NGEF: variants seen among roughly 807,000 people sequenced by gnomAD.
NGEF encodes the protein neuronal guanine nucleotide exchange factor, also known as ephexin-1.
In NGEF, 31 loss-of-function variants were observed where a neutral mutation model predicts 80.9. That is an observed-to-expected ratio of 0.38 (90% CI 0.29 to 0.52). The LOEUF (loss-of-function observed/expected upper bound fraction) is 0.52. NGEF is among the 20% of genes least tolerant of loss of function. The pLI is 0.84. For missense variants in NGEF, 709 were observed against 926.2 expected, an observed-to-expected ratio of 0.77 and a Z score of 3.04; for synonymous variants, 371 against 370.2, an observed-to-expected ratio of 1.00 and a Z score of -0.03.
At chr2:232,913,400 C>T (rs1692729473) in intron 5 of NGEF, among the ~76,000 whole-genome samples, 1 of 152,052 alleles carries the variant, frequency 6.6e-6, no homozygotes, top group Non-Finnish European at 1.5e-5. Flanking sequence ...TATGCTTTAC[C>T]TTGGTGACAG....
Position 232,927,083 on chromosome 2 carries a change from T to C in NGEF, c.487A>G (p.Ile163Val). Reference sequence around the variant, plus strand: ...AGGTTTCTCCAGGAGTCGGCGGGAATGGGGTGGATCATCCGCAGGGCCTCG... The same window carrying C: ...AGGTTTCTCCAGGAGTCGGCGGGAACGGGGTGGATCATCCGCAGGGCCTCG... ...LTEALRMIHP[I>V]PADSWRNLIE... The change falls in exon 4 of 15, where the codon ATT becomes GTT. Residue 163 changes from isoleucine to valine, a missense_variant. Transcript: ENST00000264051. 1 of 1,613,898 alleles carries C rather than the reference T, an allele frequency of 6.2e-7. No individual in the cohort carries two copies. Among genetic ancestry groups the C allele is most frequent in the Non-Finnish European group, 8.5e-7 (1 of 1,179,956 alleles).
chr2:232,909,808 G>A (rs192861341), intron 5 of NGEF, among the ~76,000 whole-genome samples: 1 of 152,286 alleles, frequency 6.6e-6, no homozygotes, highest in African/African-American at 2.4e-5. Context: ...CTTTGCCAAT[G>A]AGATCTGTTT....
At chr2:232,971,634 G>A (rs1694186284) in intron 2 of NGEF, among the ~76,000 whole-genome samples, 1 of 152,116 alleles carries the variant, frequency 6.6e-6, no homozygotes, top group Non-Finnish European at 1.5e-5. Context: ...GCAGTGAGCT[G>A]AGTGAGCTTG....
chr2:232,899,113 G>A (rs1692189748), intron 5 of NGEF, among the ~76,000 whole-genome samples: 2 of 151,950 alleles, frequency 1.3e-5, no homozygotes, highest in African/African-American at 2.4e-5. Flanking sequence ...GAAGGTGGGT[G>A]TGAATGTGTG....
intron 8 of NGEF, 144 bp from the exon 9 acceptor site, chr2:232,888,251 C>T (rs572696133): frequency 8.3e-5 from 51 of 611,898 alleles, no homozygotes; most frequent in Middle Eastern, 2.6e-4. Flanking sequence ...CGCACGCACA[C>T]GCATACATGC....
chr2:232,891,438 G>A lies in NGEF; in HGVS notation c.1192C>T (p.Pro398Ser). The A allele has an allele frequency of 6.2e-7, 1 of 1,613,440 alleles. No individual in the cohort carries two copies. Among genetic ancestry groups the A allele is most frequent in the Non-Finnish European group, 8.5e-7 (1 of 1,179,966 alleles). Residue 398 changes from proline to serine, a missense_variant, in exon 8 of 15, where the codon CCC (proline) becomes TCC (serine). This residue lies in a region of NGEF where 426 missense variants were observed against 622.9 expected (regional missense o/e 0.68). Transcript: ENST00000264051. ...RELIAQLELD[P>S]KCRGLPFSSF... ...GAGAAGGGCAGCCCCCTGCACTTGG[G>A]GTCGAGCTCTAGCTGCGCGATCAGC...
intron 7 of NGEF, among the ~76,000 whole-genome samples, chr2:232,891,884 T>C (rs1277379010): frequency 6.7e-6 from 1 of 149,576 alleles, no homozygotes; most frequent in Non-Finnish European, 1.5e-5. Flanking sequence ...TTCTGACAGG[T>C]GGGCTCAGCG....
chr2:232,896,722 GCAAAA>G (rs1692092563), intron 5 of NGEF, among the ~76,000 whole-genome samples: 1 of 45,790 alleles, frequency 2.2e-5, no homozygotes, highest in African/African-American at 1.1e-4. Flanking sequence ...AGGGGTGAGT[GCAAAA>G]GTAGGGGTGA....
intron 1 of NGEF, among the ~76,000 whole-genome samples, chr2:232,990,592 T>A (rs765562482): frequency 3.3e-5 from 5 of 152,114 alleles, no homozygotes; most frequent in Non-Finnish European, 7.4e-5. Context: ...AAGAGAGCCT[T>A]CTTCTCCCAA....
chr2:232,911,700 T>C (rs1657002948), intron 5 of NGEF, among the ~76,000 whole-genome samples: 1 of 152,216 alleles, frequency 6.6e-6, no homozygotes. Flanking sequence ...TTTGTGGTTT[T>C]CAGCACAGAG....
chr2:232,990,162 A>G (rs895202044), intron 1 of NGEF, among the ~76,000 whole-genome samples: 4 of 152,194 alleles, frequency 2.6e-5, no homozygotes, highest in African/African-American at 9.7e-5. Context: ...AGAAAACTCC[A>G]AAGAACCAAC....
intron 3 of NGEF, among the ~76,000 whole-genome samples, chr2:232,959,579 CTTT>C (rs10663890): frequency 3.8e-4 from 53 of 139,932 alleles, no homozygotes; most frequent in Admixed American, 4.3e-4. Context: ...CAGCAATGAC[CTTT>C]TTTTTTTTTT....
At chr2:232,985,528 G>A (rs968377992) in intron 1 of NGEF, among the ~76,000 whole-genome samples, 8 of 152,052 alleles carry the variant, frequency 5.3e-5, no homozygotes, top group South Asian at 2.1e-4. Context: ...TGAGGCGGGC[G>A]GATCACGAGG....
chr2:232,883,232 G>T, intron 12 of NGEF, 79 bp downstream of exon 12: 2 of 1,479,568 alleles, frequency 1.4e-6, no homozygotes, highest in South Asian at 1.3e-5. Context: ...TGTTCCACCT[G>T]GGGACAGGCC....
intron 1 of NGEF, among the ~76,000 whole-genome samples, chr2:232,993,177 A>AATATATATATTTATTTATATATATATTAT (rs1694700122): frequency 7.5e-6 from 1 of 132,690 alleles, no homozygotes; most frequent in African/African-American, 2.9e-5. Context: ...TATATATATA[A>AATATATATATTTATTTATATATATATTAT]ATAAATATAT....
At chr2:233,000,771 A>C (rs1048012622) in intron 1 of NGEF, among the ~76,000 whole-genome samples, 1 of 141,544 alleles carries the variant, frequency 7.1e-6, no homozygotes, top group Non-Finnish European at 1.6e-5. Flanking sequence ...AAAAAAAAAA[A>C]AAACGAAAAA....
At chr2:232,969,520 C>CT (rs1694142933) in intron 3 of NGEF, among the ~76,000 whole-genome samples, 1 of 131,560 alleles carries the variant, frequency 7.6e-6, no homozygotes, top group Non-Finnish European at 1.6e-5. Flanking sequence ...CTGCTTCCTT[C>CT]ATTTTTTTGA....
chr2:232,928,529 T>A (rs1693145851), intron 3 of NGEF, among the ~76,000 whole-genome samples: 1 of 151,890 alleles, frequency 6.6e-6, no homozygotes, highest in Non-Finnish European at 1.5e-5. Flanking sequence ...TCCCGCAGGG[T>A]CGCAGCTCGG....
At chr2:232,906,880 A>AC (rs1692571822) in intron 5 of NGEF, among the ~76,000 whole-genome samples, 1 of 151,558 alleles carries the variant, frequency 6.6e-6, no homozygotes, top group Non-Finnish European at 1.5e-5. Flanking sequence ...CTATGACCTT[A>AC]CCCCCAACCC....
Sources: allele counts gnomAD v4.1 joint callset (sites outside exome capture counted in the v4.1 genomes callset), GRCh38; gene constraint gnomAD v4.1.1; regional missense constraint gnomAD v4.1.1; transcripts MANE v1.5; gene names NCBI Gene and HGNC (gene_info 2026-07-23, HGNC 2026-07-21).